Variants in IFT122 observed in about 807,000 individuals in gnomAD.
IFT122 encodes the protein intraflagellar transport protein 122 homolog.
A neutral mutation model predicts 161.6 loss-of-function variants in IFT122; 118 were observed. The ratio of observed to expected loss-of-function variants is 0.73; its 90% confidence interval spans 0.63 to 0.85. IFT122 has a LOEUF of 0.85. Among genes scored for constraint, IFT122 ranks in the 40% least tolerant of loss-of-function variants. The pLI is 0.00. For synonymous variants in IFT122, 550 were observed against 602.4 expected, an observed-to-expected ratio of 0.91 and a Z score of 1.27; for missense variants, 1,381 against 1,579.6, an observed-to-expected ratio of 0.87 and a Z score of 2.13.
At chr3:129,470,025 G>T (rs1025208978) in intron 9 of IFT122, among the ~76,000 whole-genome samples, 2 of 152,062 alleles carry the variant, frequency 1.3e-5, no homozygotes. Context: ...GAGATGGGAG[G>T]TCTTGTTAGA....
chr3:129,478,988 G>A (rs1274272668), intron 12 of IFT122, among the ~76,000 whole-genome samples: 1 of 152,112 alleles, frequency 6.6e-6, no homozygotes, highest in Non-Finnish European at 1.5e-5. Flanking sequence ...GAGAAGTTTG[G>A]AAAGACTTTG....
intron 8 of IFT122, among the ~76,000 whole-genome samples, chr3:129,468,488 A>G (rs66679914): frequency 0.13 from 20,163 of 152,100 alleles, 1,709 homozygotes; most frequent in South Asian, 0.24. Context: ...GGGATTACAG[A>G]CACGCGACAC....
intron 13 of IFT122, among the ~76,000 whole-genome samples, chr3:129,480,754 C>G (rs1179193061): frequency 1.3e-5 from 2 of 152,140 alleles, no homozygotes; most frequent in African/African-American, 4.8e-5. Context: ...GCTTTGTCAT[C>G]CTGGGCAGGT....
Position 129,459,746 on chromosome 3 carries a change from T to C in IFT122, c.272+1069T>C, listed in dbSNP as rs977377369. On this transcript the variant is annotated intron_variant, in intron 4 of 29. Transcript: ENST00000348417. ...CTTCCTTCCCTCCCTCCCTCCCTTC[T>C]TCCTTCCTTCCTTCCTTCCTTCCTT... Among the ~76,000 whole-genome samples, 226 of 71,844 alleles carry C rather than the reference T, an allele frequency of 3.1e-3. 6 individuals carry two copies. The highest frequency in any genetic ancestry group is 0.025 in the African/African-American group (138 of 5,504). 47.1% of individuals were successfully genotyped at this position (71,844 alleles called of 152,430 possible).
chr3:129,478,288 C>T (rs554057538), intron 12 of IFT122, 70 bp downstream of exon 12: 559 of 1,335,460 alleles, frequency 4.2e-4, no homozygotes, highest in Admixed American at 5.7e-4. Flanking sequence ...ATAGGGTGCC[C>T]ACCTCATGGT....
intron 7 of IFT122, among the ~76,000 whole-genome samples, chr3:129,465,143 GTGTGTGTGTGTGTGTGTGGT>G (rs1453824404): frequency 8.8e-5 from 12 of 137,042 alleles, no homozygotes; most frequent in African/African-American, 3.0e-4. Flanking sequence ...GTGTGTGTGT[GTGTGTGTGTGTGTGTGTGGT>G]GTGTGAGTGA....
chr3:129,490,739 C>T (rs919943039), intron 16 of IFT122, among the ~76,000 whole-genome samples: 12 of 152,192 alleles, frequency 7.9e-5, no homozygotes, highest in African/African-American at 2.7e-4. Context: ...GGGTTGCCCT[C>T]TCAAGGCGCT....
chr3:129,503,937 A>G (rs999715122), intron 20 of IFT122: 9 of 339,212 alleles, frequency 2.7e-5, no homozygotes, highest in African/African-American at 1.3e-4. Context: ...GACAACTGAT[A>G]AGAAGTGGTG....
At chr3:129,481,444 G>T (rs1577666128) in intron 13 of IFT122, 86 bp from the exon 14 acceptor site, 1 of 1,257,650 alleles carries the variant, frequency 8.0e-7, no homozygotes, top group East Asian at 2.3e-5. Flanking sequence ...TGTTCTTGCA[G>T]AGCACATGGG....
chr3:129,503,198 C>G (rs1159998773), intron 20 of IFT122, among the ~76,000 whole-genome samples: 1 of 152,200 alleles, frequency 6.6e-6, no homozygotes, highest in Non-Finnish European at 1.5e-5. Flanking sequence ...TGAGCTGCCT[C>G]TGACCAGCAC....
At chr3:129,458,819 T>C in intron 4 of IFT122, 142 bp downstream of exon 4, 1 of 713,956 alleles carries the variant, frequency 1.4e-6, no homozygotes, top group Non-Finnish European at 2.5e-6. Flanking sequence ...GTGGTTGGTA[T>C]AGGAAGGTTG....
In IFT122 at chr3:129,460,110, G is replaced by T. The variant is rs1391964505; in HGVS notation, c.273-1118G>T. Among the ~76,000 whole-genome samples the T allele has an allele frequency of 3.9e-5, 6 of 152,040 alleles. No individual in the cohort carries two copies. In the East Asian group the frequency reaches 9.6e-4, roughly 24 times the overall value. Reference sequence around the variant, plus strand: ...ATTTATCATATTAACTACTTTTTAAGTTTACAGTTTAATGTTAAATACATT... The same window carrying T: ...ATTTATCATATTAACTACTTTTTAATTTTACAGTTTAATGTTAAATACATT... On this transcript the variant is annotated intron_variant, in intron 4 of 29. Coordinates refer to ENST00000348417, the MANE Select transcript of IFT122 (RefSeq NM_052989.3).
At position 129,441,461 on chromosome 3, in the gene IFT122, G is replaced by A. The variant is rs574278239; in HGVS notation, c.41+1090G>A. On this transcript the variant is annotated intron_variant, in intron 1 of 29. Coordinates refer to ENST00000348417, the MANE Select transcript of IFT122 (RefSeq NM_052989.3). ...GTGTCTTCACCACTCTCTAAGGTAGGTACTATAATTTCCTCTATTTTATGT... is the reference window on the plus strand; with the variant it reads ...GTGTCTTCACCACTCTCTAAGGTAGATACTATAATTTCCTCTATTTTATGT... Among the ~76,000 whole-genome samples, 6 of 152,222 alleles carry A rather than the reference G, an allele frequency of 3.9e-5. No individual in the cohort carries two copies. The East Asian group carries it at 9.6e-4, about 24-fold the overall frequency.
Position 129,519,151 on chromosome 3 carries a change from G to C in IFT122, c.3436G>C (p.Asp1146His). The change falls in exon 28 of 30, where the codon GAT (aspartate) becomes CAT (histidine). Residue 1146 changes from aspartate (D) to histidine (H), a missense_variant. Physicochemically the swap from Asp to His is moderately conservative, Grantham distance 81 (BLOSUM62 -1). Around this residue, in one of 7 missense-constraint regions of IFT122, gnomAD observed 177 missense variants for 199.2 expected, o/e 0.89. Coordinates refer to ENST00000348417, the MANE Select transcript of IFT122 (RefSeq NM_052989.3). Reference sequence around the variant, plus strand: ...AGTGGAGACCAAGGACTCCATCGGAGATGAGGACCCGTTCACAGCTAAGCT... The same window carrying C: ...AGTGGAGACCAAGGACTCCATCGGACATGAGGACCCGTTCACAGCTAAGCT... The part of the protein sequence containing the change: ...RLVETKDSIG[D>H]EDPFTAKLSF... 1.2e-6 allele frequency: 2 copies of C among 1,614,140 alleles called. No homozygotes were observed. The highest frequency in any genetic ancestry group is 1.7e-6 in the Non-Finnish European group (2 of 1,180,018).
At chr3:129,446,863 T>A (rs1407324770) in intron 1 of IFT122, among the ~76,000 whole-genome samples, 1 of 152,214 alleles carries the variant, frequency 6.6e-6, no homozygotes, top group Non-Finnish European at 1.5e-5. Context: ...GGGTTTTGTT[T>A]TTTTGTTGTT....
rs1316758373 is a variant in IFT122 at position 129,469,481 on chromosome 3, T to C, written c.816+64T>C. The C allele has an allele frequency of 6.3e-6, 8 of 1,268,054 alleles. No individual in the cohort carries two copies. The African/African-American group carries it at 7.3e-5, about 12-fold the overall frequency. The allele number at this position is 1,268,054 out of a possible 1,614,324, so 78.6% of individuals were successfully genotyped here. A position where few individuals can be genotyped will look rare whatever the true frequency, so the allele number is the denominator to read the frequency against. On this transcript the variant is annotated intron_variant, in intron 9 of 29. Coordinates refer to ENST00000348417, the MANE Select transcript of IFT122 (RefSeq NM_052989.3). ...GTTATATTTTCATTTTCTGAGATTC[T>C]GTTACTATTAATTATACATTATCAT...
At chr3:129,456,510 G>T (rs1486552958) in intron 3 of IFT122, among the ~76,000 whole-genome samples, 3 of 152,096 alleles carry the variant, frequency 2.0e-5, no homozygotes, top group African/African-American at 4.8e-5. Context: ...GGTGGTGTGT[G>T]CCTGTAATCC....
intron 24 of IFT122, 80 bp downstream of exon 24, chr3:129,512,492 C>T (rs566853210): frequency 2.1e-6 from 2 of 954,538 alleles, no homozygotes; most frequent in East Asian, 4.8e-5. Context: ...AGAGCACTTT[C>T]CTGGCAGAAC....
At chr3:129,512,593 C>T in intron 24 of IFT122, 181 bp downstream of exon 24, 1 of 642,888 alleles carries the variant, frequency 1.6e-6, no homozygotes, top group South Asian at 1.8e-5. Flanking sequence ...GCCCAGGGGC[C>T]CAGGCCAAGA....
Sources: allele counts gnomAD v4.1 joint callset (sites outside exome capture counted in the v4.1 genomes callset), GRCh38; gene constraint gnomAD v4.1.1; regional missense constraint gnomAD v4.1.1; transcripts MANE v1.5; gene names NCBI Gene and HGNC (gene_info 2026-07-23, HGNC 2026-07-21).